SYTL5: variants seen among roughly 807,000 people sequenced by gnomAD.
SYTL5 encodes the protein synaptotagmin like 5.
A neutral mutation model predicts 55.9 loss-of-function variants in SYTL5; 34 were observed. The ratio of observed to expected loss-of-function variants is 0.61; its 90% CI spans 0.46 to 0.81. The LOEUF is 0.81. SYTL5 is among the 30% of genes least tolerant of loss of function. The pLI is 0.00. For missense variants in SYTL5, 637 were observed against 546.7 expected, an observed-to-expected ratio of 1.17 and a Z score of -1.65; for synonymous variants, 221 against 188.7, an observed-to-expected ratio of 1.17 and a Z score of -1.40.
the SYTL5 span, among the ~76,000 whole-genome samples, chrX:37,971,896 G>A: frequency 9.2e-6 from 1 of 108,517 alleles, no homozygotes; most frequent in South Asian, 4.1e-4. Flanking sequence ...ATCCATGTGT[G>A]CTGTTTGCGG....
chrX:38,009,366 T>C (rs1934103957), intron 1 of SYTL5, among the ~76,000 whole-genome samples: 1 of 112,305 alleles, frequency 8.9e-6, no homozygotes, highest in Admixed American at 9.4e-5. Flanking sequence ...TCACTCGACA[T>C]TCATCATGAT....
the SYTL5 span, among the ~76,000 whole-genome samples, chrX:37,964,031 G>T: frequency 9.0e-6 from 1 of 111,622 alleles, no homozygotes; most frequent in Non-Finnish European, 1.9e-5. Flanking sequence ...CTGAATGTTT[G>T]TGTGCCTCCC....
At chrX:37,970,645 G>A in the SYTL5 span, among the ~76,000 whole-genome samples, 1 of 111,567 alleles carries the variant, frequency 9.0e-6, no homozygotes, top group African/African-American at 3.2e-5. Flanking sequence ...AGTTTACCTA[G>A]ATTATTTACA....
At chrX:37,966,727 C>T in the SYTL5 span, among the ~76,000 whole-genome samples, 8 of 111,064 alleles carry the variant, frequency 7.2e-5, no homozygotes, top group East Asian at 2.8e-4. Context: ...TGAGCCACCG[C>T]GCCCAGCTCC....
chrX:37,908,337 C>T, the SYTL5 span, among the ~76,000 whole-genome samples: 1 of 111,392 alleles, frequency 9.0e-6, no homozygotes, highest in Non-Finnish European at 1.9e-5. Context: ...GCAACTTTCT[C>T]ATCAGAGAAA....
At chrX:37,975,648 T>C in the SYTL5 span, among the ~76,000 whole-genome samples, 1 of 111,481 alleles carries the variant, frequency 9.0e-6, no homozygotes, top group Non-Finnish European at 1.9e-5. Flanking sequence ...ATAGAAGCTG[T>C]GGAAGCAGTC....
the SYTL5 span, among the ~76,000 whole-genome samples, chrX:37,963,928 G>A: frequency 2.7e-4 from 30 of 111,633 alleles, no homozygotes; most frequent in Non-Finnish European, 4.9e-4. Context: ...TCATGATATG[G>A]GGTATTACAT....
intron 1 of SYTL5, among the ~76,000 whole-genome samples, chrX:38,018,951 G>A (rs1029852002): frequency 8.9e-6 from 1 of 111,812 alleles, no homozygotes; most frequent in African/African-American, 3.3e-5. Context: ...CCTTTCCCCT[G>A]TCTTTCATCC....
At chrX:37,936,767 T>A in the SYTL5 span, among the ~76,000 whole-genome samples, 3 of 110,421 alleles carry the variant, frequency 2.7e-5, no homozygotes, top group Non-Finnish European at 3.8e-5. Flanking sequence ...ACAGACTAGG[T>A]GCAGTGGCTC....
chrX:38,104,678 A>C (rs778395641), intron 10 of SYTL5, among the ~76,000 whole-genome samples: 1 of 112,108 alleles, frequency 8.9e-6, no homozygotes, highest in East Asian at 2.8e-4. Context: ...AAAAGAAGAC[A>C]GTCTAAGGTC....
the SYTL5 span, among the ~76,000 whole-genome samples, chrX:37,964,698 C>A: frequency 1.8e-5 from 2 of 111,410 alleles, no homozygotes; most frequent in African/African-American, 6.5e-5. Context: ...TGGTAGAATT[C>A]ATCAGTGAAG....
intron 1 of SYTL5, among the ~76,000 whole-genome samples, chrX:38,007,884 T>G (rs1934044603): frequency 8.9e-6 from 1 of 111,812 alleles, no homozygotes. Context: ...GCTTTTTCTA[T>G]GTATTTATGA....
chrX:38,004,508 A>C (rs149537078), upstream of SYTL5, among the ~76,000 whole-genome samples: 1,084 of 111,627 alleles, frequency 9.7e-3, 7 homozygotes, highest in Middle Eastern at 0.037. Flanking sequence ...CAATAGACAA[A>C]ATTTGGAAGC....
the SYTL5 span, among the ~76,000 whole-genome samples, chrX:37,984,586 A>C: frequency 8.9e-6 from 1 of 111,924 alleles, no homozygotes; most frequent in East Asian, 2.8e-4. Flanking sequence ...ATTCTTCACA[A>C]ACTCTTACAA....
At chrX:37,900,143 A>G in the SYTL5 span, among the ~76,000 whole-genome samples, 1 of 109,459 alleles carries the variant, frequency 9.1e-6, no homozygotes, top group African/African-American at 3.4e-5. Flanking sequence ...CACACACACA[A>G]TGGTGAGGGA....
chrX:38,085,785 A>G (rs1255645068), intron 6 of SYTL5, among the ~76,000 whole-genome samples: 1 of 111,357 alleles, frequency 9.0e-6, no homozygotes, highest in Non-Finnish European at 1.9e-5. Context: ...TTTCCTGGCT[A>G]CAACTCCTAG....
intron 6 of SYTL5, among the ~76,000 whole-genome samples, chrX:38,085,657 C>T (rs1321628493): frequency 7.2e-5 from 8 of 111,386 alleles, no homozygotes; most frequent in African/African-American, 2.3e-4. Flanking sequence ...GTCTCATTGT[C>T]CCAGTGAGTT....
chrX:37,941,172 A>T, the SYTL5 span, among the ~76,000 whole-genome samples: 1 of 111,758 alleles, frequency 8.9e-6, no homozygotes, highest in African/African-American at 3.3e-5. Context: ...AGGACAAGTA[A>T]AATGCATCGA....
At chrX:38,001,170 C>G in the SYTL5 span, among the ~76,000 whole-genome samples, 2 of 110,941 alleles carry the variant, frequency 1.8e-5, no homozygotes, top group African/African-American at 6.6e-5. Context: ...CTGCCCTCCT[C>G]CCATATCAAC....
Sources: gnomAD v4.1 joint callset for allele counts (sites outside exome capture counted in the v4.1 genomes callset) on GRCh38, gnomAD v4.1.1 for gene constraint, MANE v1.5 for transcripts, NCBI Gene and HGNC (gene_info 2026-07-23, HGNC 2026-07-21) for gene names.